The following ASTN2 variants were observed in gnomAD, a reference collection of about 807,000 sequenced individuals.
ASTN2 encodes the protein astrotactin-2.
In ASTN2, 54 loss-of-function variants were observed where a neutral mutation model predicts 139.8. That is an observed-to-expected ratio of 0.39 (90% CI 0.31 to 0.48). The LOEUF is 0.48. ASTN2 is among the 20% of genes least tolerant of loss of function. The pLI is 0.95. For missense variants in ASTN2, 1,565 were observed against 1,725.1 expected, an observed-to-expected ratio of 0.91 and a Z score of 1.64; for synonymous variants, 756 against 719.5, an observed-to-expected ratio of 1.05 and a Z score of -0.81.
At chr9:116,692,121 C>T (rs970651132) in intron 16 of ASTN2, among the ~76,000 whole-genome samples, 1 of 152,192 alleles carries the variant, frequency 6.6e-6, no homozygotes. Context: ...CAGTTTTGCT[C>T]ATGGCCTAAG....
intron 12 of ASTN2, among the ~76,000 whole-genome samples, chr9:116,809,744 G>T (rs1465932027): frequency 2.0e-5 from 3 of 151,994 alleles, no homozygotes; most frequent in African/African-American, 7.2e-5. Context: ...TTAACTCTGT[G>T]CTGGGCGCTT....
intron 5 of ASTN2, among the ~76,000 whole-genome samples, chr9:117,061,926 C>A (rs562763009): frequency 6.6e-6 from 1 of 152,236 alleles, no homozygotes; most frequent in Non-Finnish European, 1.5e-5. Flanking sequence ...TCATTTGTTG[C>A]CCACATTATT....
At chr9:116,739,322 C>T (rs661934) in intron 13 of ASTN2, among the ~76,000 whole-genome samples, 1 of 152,190 alleles carries the variant, frequency 6.6e-6, no homozygotes, top group African/African-American at 2.4e-5. Context: ...CCCTCATTAT[C>T]TAGACCCTGC....
At chr9:117,140,541 G>A (rs1588007453) in intron 4 of ASTN2, among the ~76,000 whole-genome samples, 2 of 151,698 alleles carry the variant, frequency 1.3e-5, no homozygotes, top group African/African-American at 4.9e-5. Flanking sequence ...AAGAAAGAAG[G>A]GATGAAGAGA....
intron 11 of ASTN2, among the ~76,000 whole-genome samples, chr9:116,857,501 C>G (rs188383782): frequency 6.6e-6 from 1 of 152,242 alleles, no homozygotes; most frequent in East Asian, 1.9e-4. Flanking sequence ...ATTCACAGTG[C>G]TGGATACAGG....
intron 2 of ASTN2, among the ~76,000 whole-genome samples, chr9:117,281,376 C>T (rs1020890381): frequency 1.3e-5 from 2 of 152,160 alleles, no homozygotes; most frequent in African/African-American, 2.4e-5. Context: ...TCCAAAACCA[C>T]GTGATTCCCA....
chr9:116,983,160 T>C (rs1000137581), intron 7 of ASTN2, among the ~76,000 whole-genome samples: 1 of 152,140 alleles, frequency 6.6e-6, no homozygotes, highest in Non-Finnish European at 1.5e-5. Context: ...TGAAAAGACA[T>C]CTCTCTGGGC....
At chr9:117,189,441 C>A (rs150227409) in intron 3 of ASTN2, among the ~76,000 whole-genome samples, 1 of 152,170 alleles carries the variant, frequency 6.6e-6, no homozygotes, top group Non-Finnish European at 1.5e-5. Context: ...TCCCCACAAA[C>A]GCTGCATCCC....
chr9:117,357,293 A>G (rs1587977426), intron 1 of ASTN2, among the ~76,000 whole-genome samples: 1 of 152,186 alleles, frequency 6.6e-6, no homozygotes, highest in East Asian at 1.9e-4. Flanking sequence ...TAAATTAATC[A>G]TAATAATTTC....
chr9:117,390,550 A>G (rs1455401652), intron 1 of ASTN2, among the ~76,000 whole-genome samples: 1 of 152,120 alleles, frequency 6.6e-6, no homozygotes, highest in Non-Finnish European at 1.5e-5. Flanking sequence ...TCTTGTCTCC[A>G]TAGTCTTGCC....
chr9:116,655,540 A>G (rs1858158452), intron 16 of ASTN2, among the ~76,000 whole-genome samples: 1 of 152,128 alleles, frequency 6.6e-6, no homozygotes, highest in Admixed American at 6.5e-5. Flanking sequence ...CAATCGTGGC[A>G]CAGGCTCTTC....
chr9:116,622,172 T>C (rs960364304), intron 17 of ASTN2, among the ~76,000 whole-genome samples: 1 of 152,212 alleles, frequency 6.6e-6, no homozygotes, highest in African/African-American at 2.4e-5. Flanking sequence ...AACATGTTTG[T>C]ATAAAGTCTG....
At chr9:116,954,483 T>C (rs1197042290) in intron 10 of ASTN2, among the ~76,000 whole-genome samples, 2 of 152,202 alleles carry the variant, frequency 1.3e-5, no homozygotes, top group Non-Finnish European at 2.9e-5. Flanking sequence ...TGGAATCTAG[T>C]TAAAGCTTGA....
In ASTN2 at chr9:116,463,765, C is replaced by T. The variant is rs181430687; in HGVS notation, c.3498-21212G>A. ...TTCCTACTCTATCTTCTCCACTACG[C>T]TGTGAGCTCCTGAAAGGCCAGGGCT... is the stretch of plus-strand genomic sequence containing the variant. On this transcript the variant is annotated intron_variant, in intron 20 of 22. Coordinates refer to ENST00000313400, the MANE Select transcript of ASTN2 (RefSeq NM_001365068.1). Among the ~76,000 whole-genome samples the T allele has an allele frequency of 1.5e-3, 224 of 152,262 alleles. 4 individuals carry two copies. The highest frequency in any genetic ancestry group is 1.6e-3 in the Non-Finnish European group (112 of 68,028).
At chr9:116,648,440 G>A (rs1164861666) in intron 17 of ASTN2, among the ~76,000 whole-genome samples, 1 of 152,022 alleles carries the variant, frequency 6.6e-6, no homozygotes, top group Non-Finnish European at 1.5e-5. Flanking sequence ...GCCTGTTCTT[G>A]TTATTTATTG....
At chr9:116,727,999 A>G (rs966009293) in intron 15 of ASTN2, among the ~76,000 whole-genome samples, 1 of 152,212 alleles carries the variant, frequency 6.6e-6, no homozygotes, top group Non-Finnish European at 1.5e-5. Context: ...AGAACAAAAG[A>G]CCTCATAGAT....
At chr9:116,473,370 T>C (rs902335638) in intron 20 of ASTN2, among the ~76,000 whole-genome samples, 4 of 152,188 alleles carry the variant, frequency 2.6e-5, no homozygotes, top group African/African-American at 4.8e-5. Flanking sequence ...TCATTCTTTA[T>C]GATAAAGAGA....
intron 13 of ASTN2, among the ~76,000 whole-genome samples, chr9:116,790,991 GAA>G (rs781121234): frequency 9.0e-6 from 1 of 110,860 alleles, no homozygotes; most frequent in African/African-American, 3.4e-5. Flanking sequence ...AAGAAAGAAA[GAA>G]AGAAAGAAAG....
chr9:117,055,797 A>G (rs1839043447), intron 5 of ASTN2, among the ~76,000 whole-genome samples: 2 of 152,216 alleles, frequency 1.3e-5, no homozygotes, highest in Admixed American at 6.5e-5. Flanking sequence ...ATTGTTCCCA[A>G]TGGTCTTTGC....
Sources: gnomAD v4.1 joint callset for allele counts (sites outside exome capture counted in the v4.1 genomes callset) on GRCh38, gnomAD v4.1.1 for gene constraint, MANE v1.5 for transcripts, NCBI Gene and HGNC (gene_info 2026-07-23, HGNC 2026-07-21) for gene names.